The following GDPD4 variants were observed in gnomAD, a reference collection of about 807,000 sequenced individuals.
The protein encoded by GDPD4 is glycerophosphodiester phosphodiesterase 6.
A neutral mutation model predicts 67.8 loss-of-function variants in GDPD4; 60 were observed. That is an observed-to-expected ratio of 0.88 (90% CI 0.72 to 1.10). The LOEUF (loss-of-function observed/expected upper bound fraction) is 1.10. Among genes scored for constraint, GDPD4 ranks in the 50% least tolerant of loss-of-function variants. GDPD4 has a pLI of 0.00. For synonymous variants in GDPD4, 212 were observed against 210.9 expected, an observed-to-expected ratio of 1.00 and a Z score of -0.04; for missense variants, 623 against 613.9, an observed-to-expected ratio of 1.01 and a Z score of -0.16.
At chr11:77,248,346 G>GCT (rs776506477) in intron 11 of GDPD4, among the ~76,000 whole-genome samples, 70 of 151,820 alleles carry the variant, frequency 4.6e-4, no homozygotes, top group Non-Finnish European at 8.8e-4. Context: ...GGGATTACAG[G>GCT]CATGCACGAT....
chr11:77,295,529 G>A (rs1010754612), intron 1 of GDPD4, among the ~76,000 whole-genome samples: 3 of 152,072 alleles, frequency 2.0e-5, no homozygotes, highest in Non-Finnish European at 4.4e-5. Flanking sequence ...CTACTCAGGA[G>A]GCTGAGGCAA....
intron 13 of GDPD4, among the ~76,000 whole-genome samples, chr11:77,235,235 G>C (rs2135833835): frequency 6.6e-6 from 1 of 151,994 alleles, no homozygotes; most frequent in Middle Eastern, 3.4e-3. Context: ...TGTGTTCATG[G>C]ATTGGAAATT....
chr11:77,292,609 ATAAT>A (rs1158768765), intron 1 of GDPD4, among the ~76,000 whole-genome samples: 2 of 152,218 alleles, frequency 1.3e-5, no homozygotes, highest in Non-Finnish European at 2.9e-5. Context: ...ATAACAATGG[ATAAT>A]TAAATAGAAA....
At chr11:77,300,660 C>T (rs113660059) in intron 1 of GDPD4, among the ~76,000 whole-genome samples, 1,652 of 152,216 alleles carry the variant, frequency 0.011, 32 homozygotes, top group African/African-American at 0.038. Context: ...TTAAAATGGA[C>T]ATGGAATATT....
chr11:77,272,788 A>G (rs1591566457), intron 5 of GDPD4, among the ~76,000 whole-genome samples: 1 of 152,040 alleles, frequency 6.6e-6, no homozygotes, highest in South Asian at 2.1e-4. Context: ...AAAAAAAAAA[A>G]AATTTTTTTT....
intron 11 of GDPD4, among the ~76,000 whole-genome samples, chr11:77,253,722 C>A (rs1316105590): frequency 6.6e-6 from 1 of 152,118 alleles, no homozygotes; most frequent in African/African-American, 2.4e-5. Context: ...CTGAGCAGCC[C>A]AGGCACCATT....
chr11:77,240,766 C>A (rs1292504764), intron 13 of GDPD4, among the ~76,000 whole-genome samples: 2 of 151,824 alleles, frequency 1.3e-5, no homozygotes, highest in Non-Finnish European at 2.9e-5. Flanking sequence ...GGGCTAAGGA[C>A]CTGAAGAGAT....
intron 16 of GDPD4, among the ~76,000 whole-genome samples, chr11:77,217,777 T>C (rs1226457892): frequency 6.6e-6 from 1 of 152,190 alleles, no homozygotes; most frequent in African/African-American, 2.4e-5. Flanking sequence ...AGATGGTAGA[T>C]ACTTCTAATA....
chr11:77,258,570 G>A (rs773289864), intron 10 of GDPD4, 28 bp from the exon 11 acceptor site: 2 of 1,610,850 alleles, frequency 1.2e-6, no homozygotes, highest in East Asian at 2.2e-5. Flanking sequence ...AAGAAGGGCA[G>A]GGGTAGATAG....
chr11:77,252,054 G>GTTTGTTTTT (rs1565523210), intron 11 of GDPD4, among the ~76,000 whole-genome samples: 3 of 42,330 alleles, frequency 7.1e-5, no homozygotes, highest in African/African-American at 1.6e-4. Context: ...TTGTTTGTTT[G>GTTTGTTTTT]TTTTTTTTTT....
At chr11:77,220,826 G>C (rs187297073) in intron 16 of GDPD4, among the ~76,000 whole-genome samples, 5 of 143,364 alleles carry the variant, frequency 3.5e-5, no homozygotes, top group African/African-American at 9.7e-5. Context: ...CTGTGAATCC[G>C]TCTGGTCCTG....
intron 1 of GDPD4, among the ~76,000 whole-genome samples, chr11:77,296,027 A>G (rs938919207): frequency 1.2e-4 from 19 of 152,026 alleles, no homozygotes; most frequent in African/African-American, 4.6e-4. Context: ...CGAGGCGGGC[A>G]GATCACGAGG....
At chr11:77,268,898 C>T in intron 9 of GDPD4, 26 bp downstream of exon 9, 2 of 1,609,678 alleles carry the variant, frequency 1.2e-6, no homozygotes. Flanking sequence ...CTTATTTTCA[C>T]CCATGTTCAT....
chr11:77,220,356 C>T (rs1958203943), intron 16 of GDPD4, among the ~76,000 whole-genome samples: 1 of 148,190 alleles, frequency 6.7e-6, no homozygotes, highest in African/African-American at 2.5e-5. Flanking sequence ...ATAAATAGCT[C>T]TTATTATTTT....
In GDPD4 at chr11:77,245,366, C is replaced by T. The variant is rs140271685; in HGVS notation, c.1001G>A (p.Arg334His). 7.4e-6 allele frequency: 12 copies of T among 1,613,978 alleles called. No individual in the cohort carries two copies. The highest frequency in any genetic ancestry group is 3.3e-5 in the South Asian group (3 of 91,080). Residue 334 changes from arginine to histidine, a missense_variant, in exon 12 of 17, where the codon CGC becomes CAC. Arg to His is a conservative substitution (Grantham distance 29). Transcript: ENST00000315938. ...TCTGAGAGGATGTTTTGGTGGAGGG[C>T]GATGAAGATCAAATATCACAAATTT... ...ERKFVIFDLH[R>H]PPPKHPLRHT...
chr11:77,221,563 G>A (rs1395231393), intron 16 of GDPD4, among the ~76,000 whole-genome samples: 4 of 152,192 alleles, frequency 2.6e-5, no homozygotes, highest in African/African-American at 9.7e-5. Flanking sequence ...TCTTAATCCT[G>A]AGATCTAATT....
chr11:77,280,161 G>C (rs1316950566), intron 3 of GDPD4, among the ~76,000 whole-genome samples: 2 of 152,114 alleles, frequency 1.3e-5, no homozygotes, highest in Non-Finnish European at 2.9e-5. Flanking sequence ...ACTGGGAAGA[G>C]TGCTCTGTAG....
At chr11:77,270,133 A>G (rs955174329) in intron 7 of GDPD4, among the ~76,000 whole-genome samples, 173 bp from the exon 8 acceptor site, 1 of 152,200 alleles carries the variant, frequency 6.6e-6, no homozygotes, top group Non-Finnish European at 1.5e-5. Context: ...ACAGGTCAGA[A>G]AGCAAATACC....
chr11:77,227,982 C>T (rs1958376294), intron 15 of GDPD4, 66 bp from the exon 16 acceptor site: 2 of 1,057,530 alleles, frequency 1.9e-6, no homozygotes, highest in Non-Finnish European at 3.0e-6. Context: ...TCTAACGTTC[C>T]TCCTCCAGGA....
Sources: allele counts gnomAD v4.1 joint callset (sites outside exome capture counted in the v4.1 genomes callset), GRCh38; gene constraint gnomAD v4.1.1; transcripts MANE v1.5; gene names NCBI Gene and HGNC (gene_info 2026-07-23, HGNC 2026-07-21).